FBXL17: variants seen among roughly 807,000 people sequenced by gnomAD.
FBXL17 encodes the protein F-box and leucine rich repeat protein 17.
In FBXL17, 22 loss-of-function variants were observed where a neutral mutation model predicts 66.2. That is an observed-to-expected ratio of 0.33 (90% CI 0.24 to 0.47). The LOEUF (loss-of-function observed/expected upper bound fraction) is 0.47. Among genes scored for constraint, FBXL17 ranks in the 20% least tolerant of loss-of-function variants. The pLI is 1.00. For synonymous variants in FBXL17, 474 were observed against 400.5 expected (o/e 1.18, Z -2.19); for missense variants, 878 against 948.2 (o/e 0.93, Z 0.97).
At chr5:108,037,225 A>T (rs1431415369) in intron 6 of FBXL17, among the ~76,000 whole-genome samples, 3 of 152,194 alleles carry the variant, frequency 2.0e-5, no homozygotes, top group Non-Finnish European at 4.4e-5. Context: ...TGACAATATT[A>T]TGGGTATTGA....
intron 7 of FBXL17, among the ~76,000 whole-genome samples, chr5:107,944,790 T>C (rs1751225774): frequency 6.6e-6 from 1 of 152,096 alleles, no homozygotes; most frequent in Non-Finnish European, 1.5e-5. Context: ...ACTATTGGAT[T>C]CAAGTAGATA....
intron 4 of FBXL17, among the ~76,000 whole-genome samples, chr5:108,263,640 A>T (rs949317155): frequency 1.3e-5 from 2 of 152,238 alleles, no homozygotes; most frequent in African/African-American, 4.8e-5. Context: ...GTGTTTCCAC[A>T]TCACATTATA....
At chr5:108,009,096 A>AT (rs550628506) in intron 7 of FBXL17, among the ~76,000 whole-genome samples, 1 of 147,308 alleles carries the variant, frequency 6.8e-6, no homozygotes, top group East Asian at 2.0e-4. Flanking sequence ...TTTCCACACA[A>AT]TTTTTTTTCT....
chr5:108,234,725 C>A (rs1755520905), intron 4 of FBXL17, among the ~76,000 whole-genome samples: 1 of 152,284 alleles, frequency 6.6e-6, no homozygotes, highest in South Asian at 2.1e-4. Context: ...GTCCTGAGAA[C>A]TGCTCCAAAA....
intron 4 of FBXL17, among the ~76,000 whole-genome samples, chr5:108,277,420 A>G (rs894860192): frequency 6.6e-6 from 1 of 152,202 alleles, no homozygotes; most frequent in Non-Finnish European, 1.5e-5. Context: ...CCTTTTCAAG[A>G]AACTACTGAA....
chr5:107,894,860 A>G (rs1371822598), intron 7 of FBXL17, among the ~76,000 whole-genome samples: 1 of 152,112 alleles, frequency 6.6e-6, no homozygotes, highest in Non-Finnish European at 1.5e-5. Context: ...TAATTTTTAA[A>G]AGAATTTACA....
At chr5:107,976,342 T>C (rs1188418368) in intron 7 of FBXL17, among the ~76,000 whole-genome samples, 3 of 152,240 alleles carry the variant, frequency 2.0e-5, no homozygotes, top group Admixed American at 2.0e-4. Flanking sequence ...ATTATTTGAA[T>C]TGTTAGGATT....
chr5:107,874,508 T>C (rs1000422588), intron 8 of FBXL17, among the ~76,000 whole-genome samples: 6 of 152,344 alleles, frequency 3.9e-5, no homozygotes, highest in Admixed American at 2.6e-4. Flanking sequence ...GTTGGTGAAT[T>C]TGAGGCTTTT....
intron 4 of FBXL17, among the ~76,000 whole-genome samples, chr5:108,252,093 G>A (rs1756379755): frequency 6.6e-6 from 1 of 152,088 alleles, no homozygotes; most frequent in Non-Finnish European, 1.5e-5. Flanking sequence ...GAGTCTTAAC[G>A]AAGCTTTTGC....
At chr5:108,354,189 T>C (rs995257672) in intron 3 of FBXL17, among the ~76,000 whole-genome samples, 1 of 152,018 alleles carries the variant, frequency 6.6e-6, no homozygotes, top group African/African-American at 2.4e-5. Flanking sequence ...TTAAAAGGCA[T>C]ACCAACAAGG....
chr5:108,213,103 T>C (rs1754446036), intron 5 of FBXL17, among the ~76,000 whole-genome samples: 1 of 152,150 alleles, frequency 6.6e-6, no homozygotes, highest in South Asian at 2.1e-4. Context: ...CACTGTGAGC[T>C]TAAAACCGCC....
chr5:108,234,683 G>A (rs1049553132), intron 4 of FBXL17, among the ~76,000 whole-genome samples: 2 of 152,158 alleles, frequency 1.3e-5, no homozygotes, highest in South Asian at 2.1e-4. Flanking sequence ...AGATAGAATC[G>A]GTGTGGTACT....
intron 4 of FBXL17, among the ~76,000 whole-genome samples, chr5:108,306,028 C>T (rs993295299): frequency 6.6e-5 from 10 of 151,886 alleles, no homozygotes; most frequent in Non-Finnish European, 1.3e-4. Context: ...TGAGTAGATC[C>T]CCAATATCCA....
At chr5:108,277,355 ACTT>A (rs1205019159) in intron 4 of FBXL17, among the ~76,000 whole-genome samples, 1 of 152,154 alleles carries the variant, frequency 6.6e-6, no homozygotes, top group Non-Finnish European at 1.5e-5. Context: ...GAAAGAATTA[ACTT>A]CTTATCAACT....
At chr5:108,269,771 T>C (rs1757191057) in intron 4 of FBXL17, among the ~76,000 whole-genome samples, 1 of 152,088 alleles carries the variant, frequency 6.6e-6, no homozygotes, top group East Asian at 1.9e-4. Context: ...CCTAAGACAG[T>C]GCCACCACAA....
chr5:107,958,300 G>A lies in FBXL17; in HGVS notation c.1822+62625C>T, dbSNP rs1334344797. On this transcript the variant is annotated intron_variant, in intron 7 of 8. Transcript: ENST00000542267. ...GTTTAAATATCTCTTTTCCCTTTAT[G>A]GCCATCAATGTTCCCCCATTTTAGT... Among the ~76,000 whole-genome samples the A allele has an allele frequency of 5.9e-5, 9 of 151,870 alleles. No individual in the cohort carries two copies. In the South Asian group the frequency reaches 1.9e-3, roughly 32 times the overall value.
At position 108,262,078 on chromosome 5, in the gene FBXL17, A is replaced by ATT. The variant is rs1479354239; in HGVS notation, c.1507-37852_1507-37851dup. On this transcript the variant is annotated intron_variant, in intron 4 of 8. Transcript: ENST00000542267. ...ATTTTATTTATTTATTTATTTATTT[A>ATT]TTTATTTATTTTTTTTGAGACAGAG... Among the ~76,000 whole-genome samples, 392 of 111,680 alleles carry ATT rather than the reference A, an allele frequency of 3.5e-3. 8 individuals carry two copies. The highest frequency in any genetic ancestry group is 0.012 in the African/African-American group (374 of 30,682). 73.3% of individuals were successfully genotyped at this position (111,680 alleles called of 152,430 possible). A position where few individuals can be genotyped will look rare whatever the true frequency, so the allele number is the denominator to read the frequency against.
chr5:107,970,368 A>G (rs1752323456), intron 7 of FBXL17, among the ~76,000 whole-genome samples: 2 of 152,218 alleles, frequency 1.3e-5, no homozygotes, highest in South Asian at 4.1e-4. Flanking sequence ...TATACAGCAA[A>G]ACATCCCCTT....
chr5:108,327,477 A>T (rs1310558319), intron 4 of FBXL17, among the ~76,000 whole-genome samples: 1 of 152,164 alleles, frequency 6.6e-6, no homozygotes, highest in African/African-American at 2.4e-5. Context: ...TAATAGTAAG[A>T]TGATTTAACT....
Sources: allele counts gnomAD v4.1 joint callset (sites outside exome capture counted in the v4.1 genomes callset), GRCh38; gene constraint gnomAD v4.1.1; transcripts MANE v1.5; gene names NCBI Gene and HGNC (gene_info 2026-07-23, HGNC 2026-07-21).